NELL1: variants seen among roughly 807,000 people sequenced by gnomAD.
NELL1 encodes neural EGFL like 1.
In NELL1, 76 loss-of-function variants were observed where a neutral mutation model predicts 107.4. The observed-to-expected ratio is 0.71, with a 90% CI of 0.59 to 0.86. NELL1 has a LOEUF of 0.86. NELL1 is among the 40% of genes least tolerant of loss of function. The pLI is 0.00. For synonymous variants in NELL1, 353 were observed against 341.2 expected, an observed-to-expected ratio of 1.03 and a Z score of -0.38; for missense variants, 1,024 against 1,005.5, an observed-to-expected ratio of 1.02 and a Z score of -0.25.
chr11:21,029,136 G>A (rs1315000845), intron 12 of NELL1, among the ~76,000 whole-genome samples: 1 of 152,078 alleles, frequency 6.6e-6, no homozygotes, highest in East Asian at 1.9e-4. Flanking sequence ...GTAAGGATGT[G>A]CTTGCTCTGC....
At chr11:21,019,579 T>C (rs1028386064) in intron 12 of NELL1, among the ~76,000 whole-genome samples, 9 of 152,036 alleles carry the variant, frequency 5.9e-5, no homozygotes, top group African/African-American at 2.2e-4. Flanking sequence ...TTTTTCCTGT[T>C]TCAACCACAG....
At chr11:20,837,162 G>A (rs1848547177) in intron 3 of NELL1, among the ~76,000 whole-genome samples, 1 of 152,092 alleles carries the variant, frequency 6.6e-6, no homozygotes, top group Non-Finnish European at 1.5e-5. Flanking sequence ...AGTTGATAAA[G>A]TTGTTTACCT....
intron 2 of NELL1, among the ~76,000 whole-genome samples, chr11:20,750,145 T>C (rs1483106820): frequency 6.6e-6 from 1 of 152,190 alleles, no homozygotes; most frequent in Non-Finnish European, 1.5e-5. Context: ...GTATATTTAG[T>C]ATTATCTCTT....
intron 2 of NELL1, among the ~76,000 whole-genome samples, chr11:20,770,427 GGA>G (rs1193150847): frequency 3.3e-5 from 5 of 152,180 alleles, no homozygotes; most frequent in Admixed American, 6.5e-5. Flanking sequence ...CACATTTCTT[GGA>G]GCTTCTGTTC....
At chr11:20,889,744 T>C (rs1849579968) in intron 5 of NELL1, among the ~76,000 whole-genome samples, 1 of 152,042 alleles carries the variant, frequency 6.6e-6, no homozygotes, top group South Asian at 2.1e-4. Flanking sequence ...AACAGTGCGG[T>C]GCGACGGCCC....
chr11:20,895,609 C>A (rs1849719268), intron 5 of NELL1, among the ~76,000 whole-genome samples: 1 of 145,924 alleles, frequency 6.9e-6, no homozygotes, highest in Non-Finnish European at 1.5e-5. Context: ...CAGGTTTAAG[C>A]ATTTCTCTGC....
At position 21,033,473 on chromosome 11, in the gene NELL1, T is replaced by C. The variant is rs536094251; in HGVS notation, c.1300+72913T>C. Among the ~76,000 whole-genome samples the C allele has an allele frequency of 6.6e-5, 10 of 152,322 alleles. No individual in the cohort carries two copies. In the South Asian group the frequency reaches 1.9e-3, roughly 28 times the overall value. On this transcript the variant is annotated intron_variant, in intron 12 of 19. Coordinates refer to ENST00000357134, the MANE Select transcript of NELL1 (RefSeq NM_006157.5). ...TCATCATTTAGCTTTCACTTATAAATGAAAACATGTGGTATTTGATTTTCT... is the reference window on the plus strand; with the variant it reads ...TCATCATTTAGCTTTCACTTATAAACGAAAACATGTGGTATTTGATTTTCT...
At chr11:21,023,609 G>C (rs1852749987) in intron 12 of NELL1, among the ~76,000 whole-genome samples, 1 of 151,914 alleles carries the variant, frequency 6.6e-6, no homozygotes, top group African/African-American at 2.4e-5. Context: ...AAATTTAATA[G>C]ACTGGTGGGG....
intron 12 of NELL1, among the ~76,000 whole-genome samples, chr11:20,965,951 C>G (rs1444102151): frequency 2.6e-5 from 4 of 152,122 alleles, no homozygotes; most frequent in Non-Finnish European, 5.9e-5. Context: ...TACTTAATTA[C>G]ACTTCTAATT....
intron 2 of NELL1, among the ~76,000 whole-genome samples, chr11:20,721,234 T>TTTTATATA (rs1554906608): frequency 2.2e-5 from 3 of 138,852 alleles, no homozygotes; most frequent in Non-Finnish European, 4.5e-5. Flanking sequence ...TATATTTTGT[T>TTTTATATA]TATATATATA....
At chr11:21,553,744 G>C (rs951688269) in intron 16 of NELL1, among the ~76,000 whole-genome samples, 1 of 151,792 alleles carries the variant, frequency 6.6e-6, no homozygotes. Context: ...ATAAAGATAA[G>C]ACCAGAATCT....
chr11:20,918,191 C>A lies in NELL1; in HGVS notation c.613C>A (p.Gln205Lys). The change falls in exon 6 of 20, where the codon CAA (glutamine) becomes AAA (lysine). Residue 205 changes from glutamine (Q) to lysine (K), a missense_variant. Transcript: ENST00000357134. ...QKHGLFKGII[Q>K]DGKIIFMPNG... ...CTCTTCTATTATCAAGGGGATCATC[C>A]AAGATGGGAAGATCATCTTTATGCC... 1 of 1,592,344 alleles carries A rather than the reference C, an allele frequency of 6.3e-7. No homozygotes were observed. The highest frequency in any genetic ancestry group is 1.1e-5 in the South Asian group (1 of 90,518).
chr11:21,462,743 A>G (rs1311039585), intron 15 of NELL1, among the ~76,000 whole-genome samples: 4 of 152,024 alleles, frequency 2.6e-5, no homozygotes, highest in African/African-American at 7.2e-5. Flanking sequence ...AAGGAGGTCT[A>G]TTTTGCTCAC....
intron 12 of NELL1, among the ~76,000 whole-genome samples, chr11:21,097,366 C>G (rs973033424): frequency 6.6e-6 from 1 of 152,202 alleles, no homozygotes; most frequent in Admixed American, 6.6e-5. Context: ...GGGTGCCACT[C>G]GCATCAGTCA....
chr11:20,937,669 A>G (rs924307843), intron 9 of NELL1, 117 bp from the exon 10 acceptor site: 2 of 725,126 alleles, frequency 2.8e-6, no homozygotes, highest in South Asian at 1.7e-5. Context: ...AGAGATTTGT[A>G]TTGCTCAGAA....
At chr11:21,109,250 G>A (rs1196833183) in intron 12 of NELL1, among the ~76,000 whole-genome samples, 1 of 151,984 alleles carries the variant, frequency 6.6e-6, no homozygotes, top group Admixed American at 6.6e-5. Context: ...CAATTGCCAG[G>A]GGCTGTTCCT....
intron 12 of NELL1, among the ~76,000 whole-genome samples, chr11:21,053,175 G>A (rs1352349433): frequency 2.0e-5 from 3 of 152,028 alleles, no homozygotes; most frequent in African/African-American, 7.2e-5. Flanking sequence ...GAATGTGCAG[G>A]TTTGTTACAT....
chr11:21,090,865 A>T (rs1402491646), intron 12 of NELL1, among the ~76,000 whole-genome samples: 1 of 152,200 alleles, frequency 6.6e-6, no homozygotes, highest in Non-Finnish European at 1.5e-5. Context: ...CTCTTTATGG[A>T]TATCATATAA....
At chr11:20,876,719 C>T (rs920555936) in intron 4 of NELL1, among the ~76,000 whole-genome samples, 2 of 152,042 alleles carry the variant, frequency 1.3e-5, no homozygotes, top group African/African-American at 2.4e-5. Flanking sequence ...GCTGAGATCG[C>T]GCCACTGCAC....
Sources: gnomAD v4.1 joint callset for allele counts (sites outside exome capture counted in the v4.1 genomes callset) on GRCh38, gnomAD v4.1.1 for gene constraint, MANE v1.5 for transcripts, NCBI Gene and HGNC (gene_info 2026-07-23, HGNC 2026-07-21) for gene names.